Variants in TEX9 observed in about 807,000 individuals in gnomAD.
TEX9 encodes the protein testis-expressed protein 9.
A neutral mutation model predicts 59.6 loss-of-function variants in TEX9; 74 were observed. The ratio of observed to expected loss-of-function variants is 1.24; its 90% confidence interval spans 1.03 to 1.51. The LOEUF is 1.51. Ranked by LOEUF, TEX9 falls within the 40% of genes most tolerant of loss-of-function variation. The pLI, the probability that TEX9 is intolerant of heterozygous loss-of-function variation, is 0.00. For synonymous variants in TEX9, 186 were observed against 152.2 expected (o/e 1.22, Z -1.64); for missense variants, 522 against 447.8 (o/e 1.17, Z -1.49).
chr15:56,318,846 CAT>C (rs1172860025), intron 1 of TEX9, among the ~76,000 whole-genome samples: 1 of 152,052 alleles, frequency 6.6e-6, no homozygotes, highest in Non-Finnish European at 1.5e-5. Context: ...TATTGTCACA[CAT>C]GTCATTATAT....
At chr15:56,363,667 T>A (rs1306342991), upstream of TEX9, among the ~76,000 whole-genome samples, 1 of 151,610 alleles carries the variant, frequency 6.6e-6, no homozygotes, top group Non-Finnish European at 1.5e-5. Context: ...TTTTAAATTG[T>A]TTTTCTTTTT....
chr15:56,300,068 G>A (rs2045307467), intron 1 of TEX9, among the ~76,000 whole-genome samples: 1 of 152,076 alleles, frequency 6.6e-6, no homozygotes, highest in South Asian at 2.1e-4. Context: ...GCGGGTTCCC[G>A]GGGTCCCCAG....
At chr15:56,447,812 C>G (rs923036011), downstream of TEX9, 5 of 152,236 alleles carry the variant, frequency 3.3e-5, no homozygotes, top group South Asian at 8.3e-4. Context: ...TCTTCTACCC[C>G]TTTATGTTCG....
At chr15:56,446,859 G>T (rs1267771847), downstream of TEX9, 1 of 1,607,948 alleles carries the variant, frequency 6.2e-7, no homozygotes, top group African/African-American at 1.3e-5. Flanking sequence ...CATATTTAAT[G>T]GCATCCTTTT....
At chr15:56,347,825 C>G (rs2046500974) in intron 1 of TEX9, among the ~76,000 whole-genome samples, 1 of 151,920 alleles carries the variant, frequency 6.6e-6, no homozygotes, top group African/African-American at 2.4e-5. Context: ...GGTGAAAATA[C>G]AAGCTATAGA....
intron 1 of TEX9, among the ~76,000 whole-genome samples, chr15:56,337,535 G>T (rs73413920): frequency 0.038 from 5,777 of 152,186 alleles, 363 homozygotes; most frequent in African/African-American, 0.13. Flanking sequence ...TTAAATATTA[G>T]CCTTTTTCAT....
intron 1 of TEX9, among the ~76,000 whole-genome samples, chr15:56,245,917 A>G (rs545411273): frequency 1.3e-5 from 2 of 152,252 alleles, no homozygotes; most frequent in South Asian, 2.1e-4. Context: ...AAAGTTGCCA[A>G]GTTCCCCAAG....
At chr15:56,267,118 T>C (rs1477906532) in intron 1 of TEX9, among the ~76,000 whole-genome samples, 1 of 152,242 alleles carries the variant, frequency 6.6e-6, no homozygotes, top group Non-Finnish European at 1.5e-5. Context: ...ACTGTATAAA[T>C]GTCTTCTTTT....
At chr15:56,297,802 G>A (rs562588665) in intron 1 of TEX9, among the ~76,000 whole-genome samples, 1 of 152,220 alleles carries the variant, frequency 6.6e-6, no homozygotes, top group Non-Finnish European at 1.5e-5. Flanking sequence ...ACCGTGCCTG[G>A]CCACTACAAA....
intron 1 of TEX9, among the ~76,000 whole-genome samples, chr15:56,302,473 A>G (rs1396185117): frequency 6.6e-6 from 1 of 152,146 alleles, no homozygotes; most frequent in African/African-American, 2.4e-5. Context: ...GCGAGCCATG[A>G]TTGCACCACT....
intron 9 of TEX9, among the ~76,000 whole-genome samples, chr15:56,405,278 G>T (rs1350248776): frequency 6.7e-6 from 1 of 149,018 alleles, no homozygotes. Flanking sequence ...CTGCACTCCA[G>T]CCTGGGTGAC....
At chr15:56,339,382 C>CAAAAAA (rs1567091301) in intron 1 of TEX9, among the ~76,000 whole-genome samples, 1 of 2,830 alleles carries the variant, frequency 3.5e-4, no homozygotes, top group Non-Finnish European at 6.8e-4. Flanking sequence ...GACTCCTTCT[C>CAAAAAA]CAAAAAAAAA....
At chr15:56,394,557 C>T (rs576473018) in intron 8 of TEX9, 104 bp from the exon 9 acceptor site, 101 of 851,936 alleles carry the variant, frequency 1.2e-4, no homozygotes, top group Admixed American at 1.6e-4. Flanking sequence ...TTTCATGAAA[C>T]GTGTATAAAT....
At chr15:56,361,881 C>T (rs2046795973), upstream of TEX9, among the ~76,000 whole-genome samples, 1 of 152,142 alleles carries the variant, frequency 6.6e-6, no homozygotes, top group African/African-American at 2.4e-5. Flanking sequence ...AAGAAAGAGT[C>T]TCCCCTGCAG....
intron 7 of TEX9, among the ~76,000 whole-genome samples, chr15:56,391,683 T>G (rs566689342): frequency 1.3e-5 from 2 of 152,198 alleles, no homozygotes; most frequent in Non-Finnish European, 2.9e-5. Context: ...ATATTTTCCA[T>G]TATAAAAAGT....
chr15:56,410,187 T>C (rs924638802), intron 9 of TEX9: 1 of 152,234 alleles, frequency 6.6e-6, no homozygotes, highest in Non-Finnish European at 1.5e-5. Flanking sequence ...TCCTAGTCCA[T>C]TCTTTTCTAC....
At chr15:56,438,682 G>T (rs1056951020) in intron 12 of TEX9, among the ~76,000 whole-genome samples, 6 of 152,116 alleles carry the variant, frequency 3.9e-5, no homozygotes, top group Non-Finnish European at 2.9e-5. Flanking sequence ...CACAGCAAAA[G>T]AAACTACCAT....
At chr15:56,279,520 T>C (rs1364080784) in intron 1 of TEX9, among the ~76,000 whole-genome samples, 1 of 152,204 alleles carries the variant, frequency 6.6e-6, no homozygotes, top group African/African-American at 2.4e-5. Flanking sequence ...TGCTAATAGA[T>C]AGTGTTTAAT....
At chr15:56,445,282 G>A (rs2050887751) in intron 12 of TEX9, among the ~76,000 whole-genome samples, 2 of 151,938 alleles carry the variant, frequency 1.3e-5, no homozygotes, top group African/African-American at 2.4e-5. Context: ...CATTCCCATT[G>A]TCAAGAGACA....
Sources: gnomAD v4.1 joint callset for allele counts (sites outside exome capture counted in the v4.1 genomes callset) on GRCh38, gnomAD v4.1.1 for gene constraint, MANE v1.5 for transcripts, NCBI Gene and HGNC (gene_info 2026-07-23, HGNC 2026-07-21) for gene names.